The following FMN1 variants were observed in gnomAD, a reference collection of about 807,000 sequenced individuals.
FMN1 encodes the protein formin-1.
Under a neutral mutation model 132.4 loss-of-function variants are expected in FMN1, and 110 were observed. The ratio of observed to expected loss-of-function variants is 0.83; its 90% CI spans 0.71 to 0.97. FMN1 has a LOEUF of 0.97. Among genes scored for constraint, FMN1 ranks in the 50% least tolerant of loss-of-function variants. The pLI is 0.00. For synonymous variants in FMN1, 722 were observed against 651.7 expected (o/e 1.11, Z -1.64); for missense variants, 1,792 against 1,705.3 (o/e 1.05, Z -0.90).
chr15:33,021,407 T>TG (rs1037455966), intron 6 of FMN1, among the ~76,000 whole-genome samples: 7 of 152,250 alleles, frequency 4.6e-5, no homozygotes, highest in African/African-American at 1.7e-4. Context: ...TTCCAGCAAC[T>TG]GGGGTGGAGT....
chr15:32,795,014 A>T (rs1011146924), intron 19 of FMN1, among the ~76,000 whole-genome samples: 1 of 152,090 alleles, frequency 6.6e-6, no homozygotes, highest in Admixed American at 6.6e-5. Flanking sequence ...TGGGCAACAT[A>T]GTGAGACACC....
intron 4 of FMN1, among the ~76,000 whole-genome samples, chr15:33,099,529 CAGAATGTATCATGAA>C (rs1280391269): frequency 6.6e-6 from 1 of 152,140 alleles, no homozygotes; most frequent in African/African-American, 2.4e-5. Flanking sequence ...AAACTCCTTT[CAGAATGTATCATGAA>C]AGAGAATAGG....
chr15:33,169,395 A>G (rs773966553), intron 3 of FMN1, among the ~76,000 whole-genome samples: 1 of 152,230 alleles, frequency 6.6e-6, no homozygotes, highest in Non-Finnish European at 1.5e-5. Flanking sequence ...AATAAAAACA[A>G]TTTCTGAATT....
At chr15:32,960,192 C>A (rs1434334699) in intron 9 of FMN1, among the ~76,000 whole-genome samples, 1 of 152,108 alleles carries the variant, frequency 6.6e-6, no homozygotes, top group East Asian at 1.9e-4. Flanking sequence ...TGTATTAATC[C>A]ATTTTCGCAC....
chr15:32,855,711 GC>G (rs2059115666), intron 17 of FMN1, among the ~76,000 whole-genome samples: 1 of 152,156 alleles, frequency 6.6e-6, no homozygotes, highest in South Asian at 2.1e-4. Flanking sequence ...GTACAAATGA[GC>G]CTCATTTCAA....
Position 32,771,041 on chromosome 15 carries a change from T to A in FMN1, c.*3269A>T, listed in dbSNP as rs180928616. On this transcript the variant is annotated 3_prime_UTR_variant, in exon 21 of 21. Transcript: ENST00000616417. ...CTGCCACTTATTGAGATAAAAGCCA[T>A]ACAGCACACCTCCTAACCTGGTTTT... 6.6e-6 allele frequency: 1 copy of A among 151,648 alleles called. No homozygotes were observed. The highest frequency in any genetic ancestry group is 1.5e-5 in the Non-Finnish European group (1 of 67,936). 9.4% of individuals were successfully genotyped at this position (151,648 alleles called of 1,614,324 possible).
chr15:32,934,380 G>A (rs964359962), intron 9 of FMN1, among the ~76,000 whole-genome samples: 16 of 151,826 alleles, frequency 1.1e-4, no homozygotes, highest in Non-Finnish European at 2.1e-4. Flanking sequence ...TGATTTATCC[G>A]CATCATTATA....
At chr15:33,146,504 T>C (rs1245092163) in intron 4 of FMN1, among the ~76,000 whole-genome samples, 2 of 147,530 alleles carry the variant, frequency 1.4e-5, no homozygotes, top group Admixed American at 1.3e-4. Context: ...AGTTCTTTCC[T>C]ATAAGGCTCT....
chr15:32,938,193 C>T lies in FMN1; in HGVS notation c.3139-11932G>A, dbSNP rs1443314679. Among the ~76,000 whole-genome samples, 4 of 151,864 alleles carry T rather than the reference C, an allele frequency of 2.6e-5. No homozygotes were observed. In the East Asian group the frequency reaches 7.8e-4, roughly 29 times the overall value. ...GGCAGAGCCATTTCTAAAAACATCA[C>T]ATCATTTAAGTATTCCCCTACTAAA... On this transcript the variant is annotated intron_variant, in intron 9 of 20. Coordinates refer to ENST00000616417, the MANE Select transcript of FMN1 (RefSeq NM_001277313.2).
intron 5 of FMN1, chr15:33,067,349 T>A (rs761729381): frequency 6.2e-7 from 1 of 1,614,016 alleles, no homozygotes; most frequent in Admixed American, 1.7e-5. Flanking sequence ...TTCTTTGGAC[T>A]CCTGAGATGG....
At chr15:32,900,711 T>C (rs1159848390) in intron 13 of FMN1, among the ~76,000 whole-genome samples, 1 of 152,246 alleles carries the variant, frequency 6.6e-6, no homozygotes, top group East Asian at 1.9e-4. Flanking sequence ...TATTAACTTT[T>C]ACAATTTCAA....
At chr15:32,923,110 C>T (rs17816555) in intron 10 of FMN1, among the ~76,000 whole-genome samples, 38,709 of 152,132 alleles carry the variant, frequency 0.25, 5,234 homozygotes, top group Non-Finnish European at 0.31. Flanking sequence ...TTGTGCATGG[C>T]TAAAGGTGAA....
intron 4 of FMN1, among the ~76,000 whole-genome samples, chr15:33,133,025 C>A (rs148087326): frequency 1.4e-4 from 21 of 152,174 alleles, no homozygotes; most frequent in African/African-American, 5.1e-4. Flanking sequence ...AAAACCCAGG[C>A]CTACAGAAGT....
At chr15:32,970,536 T>C (rs8034555) in intron 7 of FMN1, among the ~76,000 whole-genome samples, 45,874 of 151,990 alleles carry the variant, frequency 0.3, 8,190 homozygotes, top group African/African-American at 0.5. Flanking sequence ...TTCACTGTCA[T>C]TGTCACTGTC....
intron 6 of FMN1, among the ~76,000 whole-genome samples, chr15:33,055,430 ATGT>A (rs1409957593): frequency 6.6e-6 from 1 of 152,126 alleles, no homozygotes; most frequent in African/African-American, 2.4e-5. Context: ...CCGTGGGTAC[ATGT>A]TGTCAGGTTT....
At chr15:33,047,598 T>C (rs556983890) in intron 6 of FMN1, among the ~76,000 whole-genome samples, 1 of 152,264 alleles carries the variant, frequency 6.6e-6, no homozygotes, top group South Asian at 2.1e-4. Context: ...AGCAAATAGA[T>C]CCCTCTCGAA....
chr15:33,051,624 G>A (rs1380408304), intron 6 of FMN1, among the ~76,000 whole-genome samples: 1 of 152,124 alleles, frequency 6.6e-6, no homozygotes, highest in African/African-American at 2.4e-5. Flanking sequence ...CTCAAGCATG[G>A]GCATGAAGAG....
intron 6 of FMN1, among the ~76,000 whole-genome samples, chr15:33,017,283 C>T (rs1254067186): frequency 6.6e-6 from 1 of 152,094 alleles, no homozygotes; most frequent in Non-Finnish European, 1.5e-5. Flanking sequence ...ATCTTCAGTA[C>T]AGAGCCAATT....
chr15:32,834,101 C>T (rs1000937673), intron 17 of FMN1, among the ~76,000 whole-genome samples: 5 of 152,158 alleles, frequency 3.3e-5, no homozygotes, highest in Non-Finnish European at 7.3e-5. Context: ...TGAGGCTGGA[C>T]CCTAGCATGC....
Sources: allele counts gnomAD v4.1 joint callset (sites outside exome capture counted in the v4.1 genomes callset), GRCh38; gene constraint gnomAD v4.1.1; transcripts MANE v1.5; gene names NCBI Gene and HGNC (gene_info 2026-07-23, HGNC 2026-07-21).